The following PLEKHG1 variants were observed in gnomAD, a reference collection of about 807,000 sequenced individuals.
PLEKHG1 encodes pleckstrin homology and RhoGEF domain containing G1.
PLEKHG1 carries 44 observed loss-of-function variants against 100.8 expected under a neutral mutation model. The observed-to-expected ratio is 0.44, with a 90% CI of 0.34 to 0.56. PLEKHG1 has a LOEUF of 0.56. PLEKHG1 is among the 20% of genes least tolerant of loss of function. The pLI, the probability that PLEKHG1 is intolerant of heterozygous loss-of-function variation, is 0.01. For synonymous variants in PLEKHG1, 640 were observed against 662.5 expected, an observed-to-expected ratio of 0.97 and a Z score of 0.52; for missense variants, 1,545 against 1,720.9, an observed-to-expected ratio of 0.90 and a Z score of 1.81.
At chr6:150,731,117 C>T (rs9478130) in intron 1 of PLEKHG1, among the ~76,000 whole-genome samples, 3,266 of 152,194 alleles carry the variant, frequency 0.021, 103 homozygotes, top group African/African-American at 0.075. Context: ...TTCTCAACAC[C>T]AGTCCCAAAC....
chr6:150,840,657 G>A (rs1777481597), exon 16 of PLEKHG1: 3 of 1,614,222 alleles, frequency 1.9e-6, no homozygotes, highest in East Asian at 2.2e-5. Context: ...CTCAAAGTTT[G>A]TGGATGCTGA....
At chr6:150,684,099 A>G (rs1222189498) in intron 3 of PLEKHG1, among the ~76,000 whole-genome samples, 2 of 152,160 alleles carry the variant, frequency 1.3e-5, no homozygotes, top group African/African-American at 4.8e-5. Context: ...GTGGTCCATG[A>G]CTTCAAGAAG....
At chr6:150,688,322 T>A (rs1156710794) in intron 3 of PLEKHG1, among the ~76,000 whole-genome samples, 1 of 152,048 alleles carries the variant, frequency 6.6e-6, no homozygotes, top group Non-Finnish European at 1.5e-5. Flanking sequence ...TTTGTTTTTT[T>A]TTTTATTTTA....
intron 3 of PLEKHG1, among the ~76,000 whole-genome samples, chr6:150,674,642 T>TCTCTCC (rs1779686018): frequency 8.3e-6 from 1 of 120,562 alleles, no homozygotes; most frequent in South Asian, 3.2e-4. Context: ...CCTCTCTCTC[T>TCTCTCC]CTCTCTCTCT....
chr6:150,754,419 T>G (rs1424152948), intron 2 of PLEKHG1, among the ~76,000 whole-genome samples: 1 of 152,062 alleles, frequency 6.6e-6, no homozygotes, highest in African/African-American at 2.4e-5. Context: ...AATTTGCGTT[T>G]TAGAAAATCA....
Position 150,686,655 on chromosome 6 carries a change from T to TC in PLEKHG1, c.-99+35870dup, listed in dbSNP as rs1476829859. The TC allele has an allele frequency of 2.6e-5, 4 of 152,258 alleles. No homozygotes were observed. The East Asian group carries it at 7.7e-4, about 29-fold the overall frequency. 9.4% of individuals were successfully genotyped at this position (152,258 alleles called of 1,614,324 possible). A position where few individuals can be genotyped will look rare whatever the true frequency, so the allele number is the denominator to read the frequency against. ...TTATGTTTCCTGTTGTCTGTTTTTC[T>TC]CTTGTCTCACCTCCCAAGCTTTCTT... On this transcript the variant is annotated intron_variant, in intron 3 of 3. Coordinates refer to the PLEKHG1 transcript ENST00000367326.
At chr6:150,823,573 A>G (rs1776424919) in intron 13 of PLEKHG1, 81 bp from the exon 15 acceptor site, 2 of 954,744 alleles carry the variant, frequency 2.1e-6, no homozygotes, top group Non-Finnish European at 3.3e-6. Context: ...TAAGTTTCTA[A>G]GTTCTATAAA....
Position 150,779,344 on chromosome 6 carries a change from G to GTTTGTTTTTTTTTTTTTTT in PLEKHG1, c.513-7043_513-7042insGTTTTTTTTTTTTTTTTTT, listed in dbSNP as rs1257363893. ...ACAGGGGGTTAAATATTGTCAAGAAGTTTTTTTTTTTTTTTTTTTGAGACA... is the reference window on the plus strand; with the variant it reads ...ACAGGGGGTTAAATATTGTCAAGAAGTTTGTTTTTTTTTTTTTTTTTTTTTTTTTTTTTTTTTTGAGACA... On this transcript the variant is annotated intron_variant, in intron 3 of 15. Coordinates refer to ENST00000358517, the Ensembl canonical transcript of PLEKHG1. 1.5e-3 allele frequency among the ~76,000 whole-genome samples: 160 copies of GTTTGTTTTTTTTTTTTTTT among 104,508 alleles called. 9 individuals are homozygous for GTTTGTTTTTTTTTTTTTTT. Among genetic ancestry groups the GTTTGTTTTTTTTTTTTTTT allele is most frequent in the Non-Finnish European group, 1.7e-3 (95 of 54,780 alleles). 68.6% of individuals were successfully genotyped at this position (104,508 alleles called of 152,430 possible).
intron 3 of PLEKHG1, among the ~76,000 whole-genome samples, chr6:150,665,432 C>A (rs1321744735): frequency 6.6e-6 from 1 of 152,042 alleles, no homozygotes; most frequent in East Asian, 1.9e-4. Context: ...AGTTCAAGAC[C>A]AGCCTGGCTA....
At chr6:150,737,224 A>C (rs926341453) in intron 2 of PLEKHG1, among the ~76,000 whole-genome samples, 1 of 152,128 alleles carries the variant, frequency 6.6e-6, no homozygotes, top group Non-Finnish European at 1.5e-5. Context: ...AATGAAAAGT[A>C]AACAATTATT....
At chr6:150,808,335 T>C (rs2128668746) in intron 7 of PLEKHG1, among the ~76,000 whole-genome samples, 1 of 152,206 alleles carries the variant, frequency 6.6e-6, no homozygotes, top group East Asian at 1.9e-4. Context: ...TGGGTGATTT[T>C]ATATAGGCTT....
intron 3 of PLEKHG1, among the ~76,000 whole-genome samples, chr6:150,695,946 T>C (rs957871899): frequency 6.6e-6 from 1 of 152,182 alleles, no homozygotes; most frequent in Non-Finnish European, 1.5e-5. Context: ...CAGGAAAATA[T>C]AAAAATAATT....
intron 3 of PLEKHG1, among the ~76,000 whole-genome samples, chr6:150,709,099 C>T (rs1190744761): frequency 6.6e-6 from 1 of 152,140 alleles, no homozygotes; most frequent in Non-Finnish European, 1.5e-5. Context: ...TTTGGGAAGC[C>T]GAGGCGGACG....
intron 14 of PLEKHG1, chr6:150,828,041 C>G: frequency 6.2e-7 from 1 of 1,613,078 alleles, no homozygotes. Flanking sequence ...GAATTCCCCT[C>G]TGTGCCCTGA....
chr6:150,820,484 C>T lies in PLEKHG1; in HGVS notation c.1408+710C>T, dbSNP rs17080351. Reference sequence around the variant, plus strand: ...TGAAGCAGTCTTTATTCATTACCCACTTTATGCTTTGCTAAGGACTAGGAA... The same window carrying T: ...TGAAGCAGTCTTTATTCATTACCCATTTTATGCTTTGCTAAGGACTAGGAA... On this transcript the variant is annotated intron_variant, in intron 12 of 15. Coordinates refer to ENST00000358517, the Ensembl canonical transcript of PLEKHG1. Among the ~76,000 whole-genome samples, 397 of 152,236 alleles carry T rather than the reference C, an allele frequency of 2.6e-3. 4 individuals carry two copies. The highest frequency in any genetic ancestry group is 7.7e-4 in the East Asian group (4 of 5,180).
At position 150,764,915 on chromosome 6, in the gene PLEKHG1, G is replaced by A. The variant is rs543824700; in HGVS notation, c.412-3723G>A. Among the ~76,000 whole-genome samples the A allele has an allele frequency of 3.3e-5, 5 of 151,078 alleles. No individual in the cohort carries two copies. The East Asian group carries it at 5.9e-4, about 18-fold the overall frequency. ...TTACACTTGGCTCTTCAACTATACC[G>A]GGAGCTTGCTGGGGGAAGGGATCAT... is the stretch of plus-strand genomic sequence containing the variant. On this transcript the variant is annotated intron_variant, in intron 2 of 15. Coordinates refer to ENST00000358517, the Ensembl canonical transcript of PLEKHG1.
intron 1 of PLEKHG1, among the ~76,000 whole-genome samples, chr6:150,612,177 T>C (rs9478768): frequency 0.075 from 11,348 of 152,192 alleles, 532 homozygotes; most frequent in Non-Finnish European, 0.1. Flanking sequence ...TCTCAATCTA[T>C]GTTCACTTAT....
chr6:150,737,323 C>T (rs1473350069), intron 2 of PLEKHG1, among the ~76,000 whole-genome samples: 2 of 135,024 alleles, frequency 1.5e-5, no homozygotes, highest in East Asian at 2.2e-4. Flanking sequence ...CTCGCTTTGT[C>T]GCCCAGGCTG....
intron 3 of PLEKHG1, among the ~76,000 whole-genome samples, chr6:150,777,389 G>A (rs1015638057): frequency 8.1e-5 from 12 of 147,472 alleles, no homozygotes; most frequent in African/African-American, 3.0e-4. Context: ...ATGCAATCCT[G>A]GTGCACATGT....
Sources: gnomAD v4.1 joint callset for allele counts (sites outside exome capture counted in the v4.1 genomes callset) on GRCh38, gnomAD v4.1.1 for gene constraint, MANE v1.5 for transcripts, NCBI Gene and HGNC (gene_info 2026-07-23, HGNC 2026-07-21) for gene names.